The following CTNNA2 variants were observed in gnomAD, a reference collection of about 807,000 sequenced individuals.
CTNNA2 encodes the protein catenin alpha 2.
A neutral mutation model predicts 101.0 loss-of-function variants in CTNNA2; 42 were observed. The ratio of observed to expected loss-of-function variants is 0.42; its 90% CI spans 0.32 to 0.54. The LOEUF is 0.54. CTNNA2 is among the 20% of genes least tolerant of loss of function. The pLI is 0.14. For missense variants in CTNNA2, 871 were observed against 1,223.1 expected, an observed-to-expected ratio of 0.71 and a Z score of 4.29; for synonymous variants, 450 against 456.4, an observed-to-expected ratio of 0.99 and a Z score of 0.18.
chr2:80,326,514 G>A (rs1003946697), intron 7 of CTNNA2, among the ~76,000 whole-genome samples: 3 of 152,068 alleles, frequency 2.0e-5, no homozygotes, highest in Admixed American at 6.6e-5. Flanking sequence ...TTTATGTACT[G>A]CTCAGGGTGA....
At chr2:80,225,830 C>A (rs558304875) in intron 7 of CTNNA2, among the ~76,000 whole-genome samples, 1 of 152,208 alleles carries the variant, frequency 6.6e-6, no homozygotes, top group South Asian at 2.1e-4. Context: ...CAAGCTAATA[C>A]AGAAATCAAT....
chr2:80,240,522 A>G (rs1452775445), intron 7 of CTNNA2, among the ~76,000 whole-genome samples: 2 of 152,018 alleles, frequency 1.3e-5, no homozygotes, highest in Non-Finnish European at 2.9e-5. Flanking sequence ...GCCCTGTGAA[A>G]CCCACCCAAT....
At chr2:80,466,653 G>A (rs1684878611) in intron 9 of CTNNA2, among the ~76,000 whole-genome samples, 1 of 152,122 alleles carries the variant, frequency 6.6e-6, no homozygotes, top group African/African-American at 2.4e-5. Flanking sequence ...ACAAACAGAT[G>A]GAAAAACTAC....
At chr2:79,379,798 A>C (rs1001888595) in intron 4 of CTNNA2, among the ~76,000 whole-genome samples, 2 of 152,202 alleles carry the variant, frequency 1.3e-5, no homozygotes, top group African/African-American at 4.8e-5. Context: ...TATTCAAAAA[A>C]AATTTTTTAA....
At chr2:79,593,841 C>T (rs924090488) in intron 1 of CTNNA2, among the ~76,000 whole-genome samples, 1 of 145,662 alleles carries the variant, frequency 6.9e-6, no homozygotes, top group African/African-American at 2.5e-5. Context: ...AACACATGGT[C>T]TTCAGTTGCA....
At chr2:80,326,651 T>A (rs7580664) in intron 7 of CTNNA2, among the ~76,000 whole-genome samples, 23,398 of 151,478 alleles carry the variant, frequency 0.15, 2,250 homozygotes, top group East Asian at 0.34. Flanking sequence ...AATTTTTTTT[T>A]AAAAAAAGAG....
chr2:79,299,127 A>G (rs1430056286), intron 2 of CTNNA2, among the ~76,000 whole-genome samples: 1 of 152,178 alleles, frequency 6.6e-6, no homozygotes, highest in Non-Finnish European at 1.5e-5. Context: ...AGCTTTCCCC[A>G]AGTGGATACA....
At chr2:79,679,623 G>A (rs1251788000) in intron 2 of CTNNA2, among the ~76,000 whole-genome samples, 1 of 152,042 alleles carries the variant, frequency 6.6e-6, no homozygotes, top group Non-Finnish European at 1.5e-5. Flanking sequence ...CATGGCAGCT[G>A]ACACCGCCCA....
intron 7 of CTNNA2, among the ~76,000 whole-genome samples, chr2:80,057,184 T>C (rs1697272579): frequency 6.6e-6 from 1 of 151,790 alleles, no homozygotes; most frequent in Admixed American, 6.6e-5. Context: ...TGTTTTTTTT[T>C]TTTTTTAAGG....
chr2:79,668,271 A>C (rs1682582100), intron 2 of CTNNA2, among the ~76,000 whole-genome samples: 3 of 146,136 alleles, frequency 2.1e-5, no homozygotes, highest in Non-Finnish European at 3.0e-5. Flanking sequence ...AAAAAAAAAA[A>C]AAACTTGAAC....
At chr2:79,800,564 G>A (rs115847278) in intron 3 of CTNNA2, among the ~76,000 whole-genome samples, 4 of 152,090 alleles carry the variant, frequency 2.6e-5, no homozygotes, top group Admixed American at 6.5e-5. Context: ...GAAGATGACC[G>A]GTGTCTTGGG....
At chr2:79,787,340 G>A (rs1674922856) in intron 3 of CTNNA2, among the ~76,000 whole-genome samples, 1 of 151,926 alleles carries the variant, frequency 6.6e-6, no homozygotes, top group South Asian at 2.1e-4. Context: ...TACAATTAGG[G>A]GAGCCCAGTG....
chr2:80,295,657 T>C (rs1455355076), intron 7 of CTNNA2, among the ~76,000 whole-genome samples: 1 of 152,198 alleles, frequency 6.6e-6, no homozygotes, highest in Non-Finnish European at 1.5e-5. Context: ...CCTAGAAGAA[T>C]CCTTCTAAAA....
At chr2:80,262,829 A>G (rs1672711715) in intron 7 of CTNNA2, among the ~76,000 whole-genome samples, 1 of 152,182 alleles carries the variant, frequency 6.6e-6, no homozygotes, top group African/African-American at 2.4e-5. Context: ...TTCCATCTCC[A>G]GAAGGTTCTT....
chr2:79,344,421 G>C (rs1225969694), intron 3 of CTNNA2, among the ~76,000 whole-genome samples: 2 of 152,094 alleles, frequency 1.3e-5, no homozygotes, highest in African/African-American at 4.8e-5. Flanking sequence ...TGAATAACTT[G>C]AAAAGTCTCA....
At chr2:80,130,831 A>C (rs938458979) in intron 7 of CTNNA2, among the ~76,000 whole-genome samples, 3 of 151,990 alleles carry the variant, frequency 2.0e-5, no homozygotes, top group Non-Finnish European at 4.4e-5. Context: ...CATGAAGCCC[A>C]GATAAATAGG....
intron 1 of CTNNA2, among the ~76,000 whole-genome samples, chr2:79,553,271 G>A (rs894444257): frequency 1.3e-5 from 2 of 152,082 alleles, no homozygotes; most frequent in Admixed American, 6.5e-5. Context: ...ATCACTATCA[G>A]TATTTTTGTC....
chr2:80,466,378 AT>A (rs1463502998), intron 9 of CTNNA2, among the ~76,000 whole-genome samples: 2 of 152,140 alleles, frequency 1.3e-5, no homozygotes, highest in Non-Finnish European at 2.9e-5. Flanking sequence ...TCTTTCCTTG[AT>A]TTTATGAATG....
chr2:79,817,131 A>G (rs1241639547), intron 3 of CTNNA2, among the ~76,000 whole-genome samples: 3 of 151,748 alleles, frequency 2.0e-5, no homozygotes, highest in Non-Finnish European at 2.9e-5. Flanking sequence ...GGTGTGCTGC[A>G]CCCATTAACT....
Sources: allele counts gnomAD v4.1 joint callset (sites outside exome capture counted in the v4.1 genomes callset), GRCh38; gene constraint gnomAD v4.1.1; transcripts MANE v1.5; gene names NCBI Gene and HGNC (gene_info 2026-07-23, HGNC 2026-07-21).